ACVRL1: variants seen among roughly 807,000 people sequenced by gnomAD.
ACVRL1 encodes activin A receptor like type 1, also known as activin receptor type-1-like.
ACVRL1 carries 20 observed loss-of-function variants against 51.9 expected under a neutral mutation model. The observed-to-expected ratio is 0.39, with a 90% CI of 0.27 to 0.56. The LOEUF (loss-of-function observed/expected upper bound fraction) is 0.56. ACVRL1 is among the 20% of genes least tolerant of loss of function. The pLI, the probability that ACVRL1 is intolerant of heterozygous loss-of-function variation, is 0.67. For synonymous variants in ACVRL1, 288 were observed against 280.9 expected (o/e 1.03, Z -0.25); for missense variants, 451 against 670.3 (o/e 0.67, Z 3.61).
chr12:51,909,207 G>C (rs963137109), intron 1 of ACVRL1, among the ~76,000 whole-genome samples: 13 of 152,044 alleles, frequency 8.6e-5, no homozygotes, highest in Admixed American at 7.9e-4. Flanking sequence ...AGCACCTTTC[G>C]GGCATACCAC....
At position 51,916,062 on chromosome 12, in the gene ACVRL1, A is replaced by G. The variant is rs1487156130; in HGVS notation, c.1075A>G (p.Ser359Gly). The change falls in exon 8 of 10, where the codon AGC (serine) becomes GGC (glycine). Residue 359 changes from serine (S) to glycine (G), a missense_variant. Physicochemically the swap from Ser to Gly is moderately conservative, Grantham distance 56. Transcript: ENST00000388922. ...LGLAVMHSQG[S>G]DYLDIGNNPR... ...CCTGGCTGTGATGCACTCACAGGGC[A>G]GCGATTACCTGGACATCGGCAACAA... The G allele has an allele frequency of 1.2e-6, 2 of 1,612,954 alleles. No homozygotes were observed.
At chr12:51,914,678 T>C in intron 6 of ACVRL1, 93 bp downstream of exon 6, 1 of 1,378,020 alleles carries the variant, frequency 7.3e-7, no homozygotes, top group Non-Finnish European at 1.0e-6. Flanking sequence ...AACAGAACCC[T>C]GAAGGACTCT....
At chr12:51,911,188 C>T (rs1443499665) in intron 1 of ACVRL1, among the ~76,000 whole-genome samples, 1 of 152,230 alleles carries the variant, frequency 6.6e-6, no homozygotes, top group Non-Finnish European at 1.5e-5. Context: ...CAGGGTCCTT[C>T]TTGCTGCAGC....
chr12:51,915,149 C>T lies in ACVRL1; in HGVS notation c.773-76C>T. ...CCAGTCCATTCCCTCTCCCCCAACC[C>T]CACCCTGACCCTGACGACTCCAGCC... On this transcript the variant is annotated intron_variant, in intron 6 of 9. Transcript: ENST00000388922. 3 of 1,546,270 alleles carry T rather than the reference C, an allele frequency of 1.9e-6. No homozygotes were observed. The South Asian group carries it at 3.4e-5, about 18-fold the overall frequency.
In ACVRL1 at chr12:51,921,382, C is replaced by T. The variant is rs896144550; in HGVS notation, c.*489C>T. The T allele has an allele frequency of 2.4e-5, 5 of 211,702 alleles. No individual in the cohort carries two copies. The highest frequency in any genetic ancestry group is 8.1e-5 in the South Asian group (1 of 12,290). 13.1% of individuals were successfully genotyped at this position (211,702 alleles called of 1,614,324 possible). A position where few individuals can be genotyped will look rare whatever the true frequency, so the allele number is the denominator to read the frequency against. On this transcript the variant is annotated 3_prime_UTR_variant, in exon 10 of 10. Coordinates refer to ENST00000388922, the MANE Select transcript of ACVRL1 (RefSeq NM_000020.3). ...GCATAAGCTCCAGAGAGCCAGGGCC[C>T]ATCAGTTTCTCTCTGTGGATTTGTA...
chr12:51,914,810 G>A (rs1403906736), intron 6 of ACVRL1, among the ~76,000 whole-genome samples: 1 of 152,036 alleles, frequency 6.6e-6, no homozygotes, highest in African/African-American at 2.4e-5. Context: ...ATGCAGTGGT[G>A]CAATCTCACT....
chr12:51,915,558 C>T, intron 7 of ACVRL1, 58 bp downstream of exon 7: 1 of 1,558,590 alleles, frequency 6.4e-7, no homozygotes, highest in East Asian at 2.3e-5. Context: ...TGTGCGCTCT[C>T]CTCTCCTTTG....
intron 1 of ACVRL1, among the ~76,000 whole-genome samples, chr12:51,910,492 A>G (rs1309329774): frequency 2.6e-5 from 4 of 152,222 alleles, no homozygotes. Flanking sequence ...TGAGCACTTC[A>G]GGTGATTCTG....
chr12:51,915,128 T>G, intron 6 of ACVRL1, 97 bp from the exon 7 acceptor site: 4 of 1,320,126 alleles, frequency 3.0e-6, no homozygotes, highest in South Asian at 1.2e-5. Flanking sequence ...AGTGACCCAG[T>G]CCATTCCCTC....
intron 8 of ACVRL1, 94 bp from the exon 9 acceptor site, chr12:51,918,891 G>A (rs945618346): frequency 1.9e-6 from 3 of 1,594,016 alleles, no homozygotes; most frequent in South Asian, 1.1e-5. Context: ...CTGGTTTCTG[G>A]CCCTTGGATA....
chr12:51,916,482 G>A (rs1940844518), intron 8 of ACVRL1, among the ~76,000 whole-genome samples: 1 of 152,220 alleles, frequency 6.6e-6, no homozygotes, highest in Admixed American at 6.5e-5. Flanking sequence ...ATTAATAGCA[G>A]CTAATATTGA....
Position 51,912,471 on chromosome 12 carries a change from G to T in ACVRL1, c.-4G>T, listed in dbSNP as rs753902476. On this transcript the variant is annotated splice_region_variant and 5_prime_UTR_variant, in exon 2 of 10. Transcript: ENST00000388922. ...CACCTCTCTTGCTCCTCTCTGCAGGGACCATGACCTTGGGCTCCCCCAGGA... is the reference window on the plus strand; with the variant it reads ...CACCTCTCTTGCTCCTCTCTGCAGGTACCATGACCTTGGGCTCCCCCAGGA... The T allele has an allele frequency of 1.5e-5, 24 of 1,614,046 alleles. No homozygotes were observed. The highest frequency in any genetic ancestry group is 2.0e-5 in the Non-Finnish European group (24 of 1,180,006).
At chr12:51,919,355 CTG>C in intron 9 of ACVRL1, 1 of 580,402 alleles carries the variant, frequency 1.7e-6, no homozygotes, top group South Asian at 1.9e-5. Flanking sequence ...CAGAGGCTAT[CTG>C]TGGCTCTGTG....
At chr12:51,909,588 C>T (rs192442193) in intron 1 of ACVRL1, among the ~76,000 whole-genome samples, 21 of 152,134 alleles carry the variant, frequency 1.4e-4, no homozygotes, top group Admixed American at 5.9e-4. Flanking sequence ...AATTTGTACA[C>T]GTCCACCGAG....
At chr12:51,912,972 A>G in intron 2 of ACVRL1, 127 bp from the exon 3 acceptor site, 1 of 1,363,852 alleles carries the variant, frequency 7.3e-7, no homozygotes, top group Non-Finnish European at 1.0e-6. Context: ...GATGAAAGTA[A>G]GAGACCAAAG....
At chr12:51,912,314 C>A in intron 1 of ACVRL1, 156 bp from the exon 2 acceptor site, 1 of 778,050 alleles carries the variant, frequency 1.3e-6, no homozygotes, top group Admixed American at 2.0e-5. Context: ...CCCCTGCAGG[C>A]CCCGCCCCAA....
Position 51,915,182 on chromosome 12 carries a change from G to GC in ACVRL1, c.773-39dup, listed in dbSNP as rs1401219223. ...ACCCTGACGACTCCAGCCTCCCTTA[G>GC]CCCCAGCCCCTTGGCTGAGTCACCC... On this transcript the variant is annotated intron_variant, in intron 6 of 9. Coordinates refer to ENST00000388922, the MANE Select transcript of ACVRL1 (RefSeq NM_000020.3). 12 of 1,611,492 alleles carry GC rather than the reference G, an allele frequency of 7.4e-6. No individual in the cohort carries two copies. In the Admixed American group the frequency reaches 1.5e-4, roughly 20 times the overall value.
rs547613968 is a variant in ACVRL1, at chr12:51,912,379, C to A, written c.-5-91C>A. 4.1e-5 allele frequency: 59 copies of A among 1,453,486 alleles called. 2 individuals are homozygous for A. The South Asian group carries it at 6.7e-4, about 17-fold the overall frequency. 90.0% of individuals were successfully genotyped at this position (1,453,486 alleles called of 1,614,324 possible). On this transcript the variant is annotated intron_variant, in intron 1 of 9. Coordinates refer to ENST00000388922, the MANE Select transcript of ACVRL1 (RefSeq NM_000020.3). The stretch of plus-strand genomic sequence containing the variant: ...CTCCCTGCCTCCCCTCCAAAAAAAA[C>A]TCTGTGATTTCCTCTGGGCAGGAGG...
intron 9 of ACVRL1, 48 bp from the exon 10 acceptor site, chr12:51,920,711 A>C (rs1205300692): frequency 1.2e-6 from 2 of 1,601,404 alleles, no homozygotes; most frequent in African/African-American, 1.3e-5. Context: ...TCTTCTCTGC[A>C]TCTCTCTCTC....
Sources: allele counts gnomAD v4.1 joint callset (sites outside exome capture counted in the v4.1 genomes callset), GRCh38; gene constraint gnomAD v4.1.1; transcripts MANE v1.5; gene names NCBI Gene and HGNC (gene_info 2026-07-23, HGNC 2026-07-21).